GABRD: variants seen among roughly 807,000 people sequenced by gnomAD.
GABRD encodes gamma-aminobutyric acid type A receptor subunit delta.
A neutral mutation model predicts 47.3 loss-of-function variants in GABRD; 25 were observed. That is an observed-to-expected ratio of 0.53 (90% CI 0.39 to 0.74). The LOEUF (loss-of-function observed/expected upper bound fraction) is 0.74. Among genes scored for constraint, GABRD ranks in the 30% least tolerant of loss-of-function variants. The pLI is 0.00. For missense variants in GABRD, 497 were observed against 643.4 expected (o/e 0.77, Z 2.46); for synonymous variants, 314 against 278.8 (o/e 1.13, Z -1.26).
chr1:2,019,345 A>C lies in GABRD; in HGVS notation c.-79A>C, dbSNP rs1658711136. ...CCTCGCGCCCGCGCCGCGCTCGCTC[A>C]GCTCCCGCCCGCCTGTGCCGCCTGT... On this transcript the variant is annotated 5_prime_UTR_variant, in exon 1 of 9. Transcript: ENST00000378585. 2 of 754,770 alleles carry C rather than the reference A, an allele frequency of 2.6e-6. No individual in the cohort carries two copies. The highest frequency in any genetic ancestry group is 1.6e-6 in the Non-Finnish European group (1 of 629,756). The allele number at this position is 754,770 out of a possible 1,614,324, so 46.8% of individuals were successfully genotyped here.
rs1448706470 is a variant in GABRD, at chr1:2,029,993, G to A, written c.1070G>A (p.Arg357Lys). The A allele has an allele frequency of 1.2e-6, 2 of 1,612,612 alleles. No homozygotes were observed. Among genetic ancestry groups the A allele is most frequent in the Non-Finnish European group, 8.5e-7 (1 of 1,179,884 alleles). ...CCGGCCTTCGTGCAGATGGACGTGAGGAACGCCATTGTCCTCTTCTCCCTC... is the reference window on the plus strand; with the variant it reads ...CCGGCCTTCGTGCAGATGGACGTGAAGAACGCCATTGTCCTCTTCTCCCTC... ...VSRPRAEMDV[R>K]NAIVLFSLSA... is the part of the protein sequence containing the mutation. The change falls in exon 9 of 9, where the codon AGG becomes AAG. Residue 357 changes from arginine (R) to lysine (K), a missense_variant. Coordinates refer to ENST00000378585, the MANE Select transcript of GABRD (RefSeq NM_000815.5).
In GABRD at chr1:2,025,175, G is replaced by A. The variant is rs1040923365; in HGVS notation, c.181+121G>A. On this transcript the variant is annotated intron_variant, in intron 2 of 8. Coordinates refer to ENST00000378585, the MANE Select transcript of GABRD (RefSeq NM_000815.5). ...AAGGAAGCCTGGCTCTCCCCTGGGG[G>A]GCTCCATCAGAGCCAGGCCCCCACA... The A allele has an allele frequency of 1.2e-5, 15 of 1,259,276 alleles. No homozygotes were observed. In the South Asian group the frequency reaches 2.0e-4, roughly 17 times the overall value. 78.0% of individuals were successfully genotyped at this position (1,259,276 alleles called of 1,614,324 possible). A position where few individuals can be genotyped will look rare whatever the true frequency, so the allele number is the denominator to read the frequency against.
chr1:2,029,950 T>C, intron 8 of GABRD, 33 bp from the exon 9 acceptor site: 1 of 1,609,282 alleles, frequency 6.2e-7, no homozygotes, highest in Non-Finnish European at 8.5e-7. Context: ...ACCCCAGTGC[T>C]CAGCCCTGTC....
intron 1 of GABRD, 135 bp from the exon 2 acceptor site, chr1:2,024,807 G>T (rs940716597): frequency 4.7e-6 from 3 of 637,340 alleles, no homozygotes; most frequent in Admixed American, 2.8e-5. Flanking sequence ...GCCCCCACCT[G>T]CAAGGGCTCC....
Position 2,029,561 on chromosome 1 carries a change from G to A in GABRD, c.858G>A (p.Thr286=), listed in dbSNP as rs372178849. ...ACCTGTGCCCGGCAGGCATCACCAC[G>A]GTGCTGACGATGACCACGCTCATGG... is the stretch of plus-strand genomic sequence containing the variant. ...VPARVSLGIT[T]VLTMTTLMVS... Residue 286 remains threonine, a synonymous_variant, in exon 8 of 9, where the codon ACG becomes ACA. Transcript: ENST00000378585. 24 of 1,612,656 alleles carry A rather than the reference G, an allele frequency of 1.5e-5. No homozygotes were observed. Among genetic ancestry groups the A allele is most frequent in the East Asian group, 4.5e-5 (2 of 44,888 alleles).
intron 1 of GABRD, among the ~76,000 whole-genome samples, chr1:2,021,870 T>C (rs1002561134): frequency 6.6e-6 from 1 of 152,152 alleles, no homozygotes; most frequent in African/African-American, 2.4e-5. Context: ...GGATCCCAGC[T>C]ACATCTACCT....
chr1:2,022,553 A>C (rs1302505543), intron 1 of GABRD, among the ~76,000 whole-genome samples: 2 of 152,244 alleles, frequency 1.3e-5, no homozygotes, highest in Non-Finnish European at 2.9e-5. Context: ...GTGGCCCAGG[A>C]AGGACGGTGT....
intron 1 of GABRD, among the ~76,000 whole-genome samples, chr1:2,020,285 C>T (rs1442948827): frequency 6.6e-6 from 1 of 152,244 alleles, no homozygotes; most frequent in Admixed American, 6.5e-5. Flanking sequence ...CCTGGCTGGC[C>T]GCCTTCCCTA....
rs186516457 is a variant in GABRD, at chr1:2,022,776, G to A, written c.69-2166G>A. Among the ~76,000 whole-genome samples the A allele has an allele frequency of 3.6e-3, 545 of 152,350 alleles. 2 individuals are homozygous for A. Among genetic ancestry groups the A allele is most frequent in the African/African-American group, 0.012 (505 of 41,588 alleles). Reference sequence around the variant, plus strand: ...GGCCACTCCTGGGGGTCCCGTGGGCGCGGGGTCCTGGGTCTGGATGGACAG... The same window carrying A: ...GGCCACTCCTGGGGGTCCCGTGGGCACGGGGTCCTGGGTCTGGATGGACAG... On this transcript the variant is annotated intron_variant, in intron 1 of 8. Transcript: ENST00000378585.
Position 2,030,184 on chromosome 1 carries a change from C to A in GABRD, c.1261C>A (p.Pro421Thr). 2.6e-6 allele frequency: 4 copies of A among 1,566,512 alleles called. No individual in the cohort carries two copies. The change falls in exon 9 of 9, where the codon CCC becomes ACC. Residue 421 changes from proline to threonine, a missense_variant. By Grantham distance (38) the Pro-to-Thr change is conservative. Transcript: ENST00000378585. ...GQGGIRARLR[P>T]IDADTIDIYA... ...GGGGGGCATCCGTGCCCGGCTCAGGCCCATCGACGCAGACACCATTGACAT... is the reference window on the plus strand; with the variant it reads ...GGGGGGCATCCGTGCCCGGCTCAGGACCATCGACGCAGACACCATTGACAT...
chr1:2,023,285 G>A (rs545699295), intron 1 of GABRD, among the ~76,000 whole-genome samples: 2 of 152,106 alleles, frequency 1.3e-5, no homozygotes, highest in South Asian at 2.1e-4. Flanking sequence ...AGACAGACAA[G>A]CAGAGTAGGC....
At position 2,025,730 on chromosome 1, in the gene GABRD, C is replaced by CAGCA; in HGVS notation, c.463_466dup (p.Ile156LysfsTer274). 1 of 1,611,996 alleles carries CAGCA rather than the reference C, an allele frequency of 6.2e-7. No individual in the cohort carries two copies. The highest frequency in any genetic ancestry group is 8.5e-7 in the Non-Finnish European group (1 of 1,179,292). On this transcript the variant is annotated frameshift_variant, in exon 4 of 9. Transcript: ENST00000378585. LOFTEE classifies it high-confidence loss of function. Reference sequence around the variant, plus strand: ...TGCAGCCCGACGGCGTGATCCTGTACAGCATCCGGTGAGCGGGCTGCCCAC... The same window carrying CAGCA: ...TGCAGCCCGACGGCGTGATCCTGTACAGCAAGCATCCGGTGAGCGGGCTGCCCAC...
intron 2 of GABRD, 72 bp from the exon 3 acceptor site, chr1:2,025,262 C>A: frequency 6.4e-7 from 1 of 1,571,008 alleles, no homozygotes; most frequent in South Asian, 1.1e-5. Flanking sequence ...GACTGGGACC[C>A]CGGCAGGGTC....
intron 1 of GABRD, among the ~76,000 whole-genome samples, chr1:2,020,202 G>GC (rs1025778963): frequency 6.6e-6 from 1 of 152,172 alleles, no homozygotes; most frequent in Admixed American, 6.5e-5. Context: ...GGCCTACAGT[G>GC]CCCCCCCATC....
At position 2,025,522 on chromosome 1, in the gene GABRD, A is replaced by T; in HGVS notation, c.254A>T (p.Tyr85Phe). Residue 85 changes from tyrosine (Y) to phenylalanine (F), a missense_variant, in exon 4 of 9, where the codon TAC becomes TTC. Around this residue, in one of 3 missense-constraint regions of GABRD, gnomAD observed 285 missense variants for 436.6 expected, o/e 0.65. Coordinates refer to ENST00000378585, the MANE Select transcript of GABRD (RefSeq NM_000815.5). ...GCCCCTGTGCCACCTCCACAGGAGT[A>T]CACCATGACGGTGTTCCTGCACCAG... ...IDHISEANME[Y>F]TMTVFLHQSW... The T allele has an allele frequency of 6.2e-7, 1 of 1,612,986 alleles. No individual in the cohort carries two copies. The highest frequency in any genetic ancestry group is 8.5e-7 in the Non-Finnish European group (1 of 1,179,932).
In GABRD at chr1:2,029,732, C is replaced by G. The variant is rs142099913; in HGVS notation, c.1029C>G (p.Ala343=). Residue 343 remains alanine (A), a synonymous_variant, in exon 8 of 9, where the codon GCC becomes GCG. Transcript: ENST00000378585. ...FNADYRKKQK[A]KVKVSRPRAE... ...CCGACTACAGGAAGAAGCAGAAGGC[C>G]AAGGTCAAGGTCTCCAGGCCGAGGG... 2.5e-6 allele frequency: 4 copies of G among 1,613,100 alleles called. No individual in the cohort carries two copies. Among genetic ancestry groups the G allele is most frequent in the Non-Finnish European group, 3.4e-6 (4 of 1,180,006 alleles).
intron 1 of GABRD, among the ~76,000 whole-genome samples, chr1:2,021,457 G>A (rs564327984): frequency 1.3e-5 from 2 of 152,190 alleles, no homozygotes; most frequent in Admixed American, 6.5e-5. Flanking sequence ...CCTCAGTCTC[G>A]GGGTCCTTGT....
chr1:2,022,524 C>T (rs1658808351), intron 1 of GABRD: 1 of 152,308 alleles, frequency 6.6e-6, no homozygotes. Flanking sequence ...GTGCCACCAC[C>T]CTGAGATGGG....
rs1055272274 is a variant in GABRD at position 2,019,402 on chromosome 1, C to T, written c.-22C>T. ...GCCGGGAGCCAAGTTTGCGCGGACCCCGTCCCGAGCCCGCCGCGGCCATGG... is the reference window on the plus strand; with the variant it reads ...GCCGGGAGCCAAGTTTGCGCGGACCTCGTCCCGAGCCCGCCGCGGCCATGG... On this transcript the variant is annotated 5_prime_UTR_variant, in exon 1 of 9. Coordinates refer to ENST00000378585, the MANE Select transcript of GABRD (RefSeq NM_000815.5). 46 of 1,061,898 alleles carry T rather than the reference C, an allele frequency of 4.3e-5. No individual in the cohort carries two copies. Among genetic ancestry groups the T allele is most frequent in the Middle Eastern group, 8.7e-4 (2 of 2,294 alleles). 65.8% of individuals were successfully genotyped at this position (1,061,898 alleles called of 1,614,324 possible). A position where few individuals can be genotyped will look rare whatever the true frequency, so the allele number is the denominator to read the frequency against.
Sources: allele counts gnomAD v4.1 joint callset (sites outside exome capture counted in the v4.1 genomes callset), GRCh38; gene constraint gnomAD v4.1.1; regional missense constraint gnomAD v4.1.1; transcripts MANE v1.5; gene names NCBI Gene and HGNC (gene_info 2026-07-23, HGNC 2026-07-21).